GALNT1: variants seen among roughly 807,000 people sequenced by gnomAD.
The protein encoded by GALNT1 is GalNAc transferase 1.
Under a neutral mutation model 65.7 loss-of-function variants are expected in GALNT1, and 17 were observed. That is an observed-to-expected ratio of 0.26 (90% CI 0.18 to 0.39). GALNT1 has a LOEUF of 0.39. Ranked by LOEUF, GALNT1 falls within the 10% of genes least tolerant of loss-of-function variation. The pLI is 1.00. For missense variants in GALNT1, 460 were observed against 672.8 expected (o/e 0.68, Z 3.50); for synonymous variants, 210 against 219.7 (o/e 0.96, Z 0.39).
intron 1 of GALNT1, among the ~76,000 whole-genome samples, chr18:35,616,688 T>C (rs1008635101): frequency 2.0e-5 from 3 of 152,154 alleles, no homozygotes; most frequent in South Asian, 2.1e-4. Context: ...GCTTGCTGAA[T>C]ACTTGGCAGA....
At chr18:35,696,108 A>ATTAAC (rs1371285290) in intron 9 of GALNT1, among the ~76,000 whole-genome samples, 1 of 152,160 alleles carries the variant, frequency 6.6e-6, no homozygotes, top group African/African-American at 2.4e-5. Context: ...TTATCGCCTT[A>ATTAAC]TTAACTTAAC....
At chr18:35,694,064 T>C (rs1392407332) in intron 9 of GALNT1, among the ~76,000 whole-genome samples, 3 of 151,962 alleles carry the variant, frequency 2.0e-5, no homozygotes, top group East Asian at 1.9e-4. Context: ...TGCAGAGAAA[T>C]TGAGGAAGAT....
chr18:35,649,987 T>G (rs1369555258), intron 1 of GALNT1, among the ~76,000 whole-genome samples: 1 of 152,166 alleles, frequency 6.6e-6, no homozygotes, highest in Non-Finnish European at 1.5e-5. Context: ...CAGATGATGT[T>G]GTTAGTCTTT....
At chr18:35,597,408 G>C (rs2046518889) in intron 1 of GALNT1, 1 of 152,186 alleles carries the variant, frequency 6.6e-6, no homozygotes, top group Non-Finnish European at 1.5e-5. Flanking sequence ...CAGCCAAAAT[G>C]AAATACCTCC....
chr18:35,663,877 T>G, intron 3 of GALNT1, 75 bp downstream of exon 3: 1 of 1,400,578 alleles, frequency 7.1e-7, no homozygotes, highest in Non-Finnish European at 1.0e-6. Flanking sequence ...TGCACTTGAG[T>G]GCTGATTGTT....
At chr18:35,629,065 T>C (rs2047379717) in intron 1 of GALNT1, among the ~76,000 whole-genome samples, 1 of 152,178 alleles carries the variant, frequency 6.6e-6, no homozygotes, top group Non-Finnish European at 1.5e-5. Context: ...TATGGGACTA[T>C]GTGAAAAGAC....
intron 1 of GALNT1, among the ~76,000 whole-genome samples, chr18:35,601,911 A>C (rs2046587163): frequency 6.6e-6 from 1 of 152,224 alleles, no homozygotes; most frequent in Non-Finnish European, 1.5e-5. Context: ...AATGGATTAC[A>C]CATTGCAATT....
chr18:35,585,355 T>A (rs1374149095), intron 1 of GALNT1, among the ~76,000 whole-genome samples: 1 of 152,226 alleles, frequency 6.6e-6, no homozygotes. Context: ...CTGTTTTTCA[T>A]AGATTTGCTC....
intron 1 of GALNT1, among the ~76,000 whole-genome samples, chr18:35,615,717 G>T (rs1275431190): frequency 6.6e-6 from 1 of 152,224 alleles, no homozygotes; most frequent in Non-Finnish European, 1.5e-5. Flanking sequence ...ACATACGTAA[G>T]TGTGAAAACA....
At chr18:35,683,124 C>T (rs1022638302) in intron 4 of GALNT1, among the ~76,000 whole-genome samples, 13 of 151,990 alleles carry the variant, frequency 8.6e-5, no homozygotes, top group South Asian at 2.1e-4. Context: ...AGTTACTTAG[C>T]GAAACATAGG....
intron 1 of GALNT1, among the ~76,000 whole-genome samples, chr18:35,582,082 T>G (rs2046329090): frequency 6.6e-6 from 1 of 152,014 alleles, no homozygotes; most frequent in Non-Finnish European, 1.5e-5. Context: ...GAGCAGCGAG[T>G]TTCCGTCCTA....
intron 1 of GALNT1, among the ~76,000 whole-genome samples, chr18:35,618,889 C>A (rs1017602122): frequency 2.0e-5 from 3 of 151,994 alleles, no homozygotes; most frequent in African/African-American, 7.3e-5. Context: ...ACAGGGCAGA[C>A]CGAGTTGAGG....
chr18:35,696,198 A>G (rs1008425240), intron 9 of GALNT1, among the ~76,000 whole-genome samples: 1 of 152,204 alleles, frequency 6.6e-6, no homozygotes, highest in African/African-American at 2.4e-5. Context: ...ATTGGAGGTC[A>G]TTCTTAAGAG....
chr18:35,698,734 T>G (rs2048104325), intron 9 of GALNT1, among the ~76,000 whole-genome samples: 1 of 151,906 alleles, frequency 6.6e-6, no homozygotes, highest in African/African-American at 2.4e-5. Flanking sequence ...ATCCCAGCAC[T>G]TTGGGAGGCC....
At chr18:35,640,620 C>T (rs1429858133) in intron 1 of GALNT1, among the ~76,000 whole-genome samples, 2 of 152,074 alleles carry the variant, frequency 1.3e-5, no homozygotes, top group African/African-American at 4.8e-5. Flanking sequence ...CTTAACAGGT[C>T]AGGAGTAGCC....
At chr18:35,610,300 C>G (rs576264238) in intron 1 of GALNT1, among the ~76,000 whole-genome samples, 247 of 152,270 alleles carry the variant, frequency 1.6e-3, no homozygotes, top group Admixed American at 4.0e-3. Flanking sequence ...TTCTCATTGC[C>G]CTGCCTCAGA....
intron 5 of GALNT1, among the ~76,000 whole-genome samples, chr18:35,684,980 C>CG (rs1287146696): frequency 3.9e-5 from 6 of 152,200 alleles, no homozygotes; most frequent in Non-Finnish European, 5.9e-5. Flanking sequence ...AATCCCACCA[C>CG]ATCAGAGAAA....
chr18:35,597,927 C>T (rs1455536359), intron 1 of GALNT1, among the ~76,000 whole-genome samples: 1 of 149,254 alleles, frequency 6.7e-6, no homozygotes, highest in Non-Finnish European at 1.5e-5. Context: ...TTGAATTATA[C>T]AATATATCAT....
chr18:35,644,216 G>A (rs1442912778), intron 1 of GALNT1, among the ~76,000 whole-genome samples: 2 of 152,096 alleles, frequency 1.3e-5, no homozygotes, highest in South Asian at 2.1e-4. Flanking sequence ...CATCAATCTG[G>A]GCAGGAATTT....
Sources: gnomAD v4.1 joint callset for allele counts (sites outside exome capture counted in the v4.1 genomes callset) on GRCh38, gnomAD v4.1.1 for gene constraint, MANE v1.5 for transcripts, NCBI Gene and HGNC (gene_info 2026-07-23, HGNC 2026-07-21) for gene names.